Variants in ARFGEF3 observed in about 807,000 individuals in gnomAD.
ARFGEF3 encodes the protein ARFGEF family member 3.
A neutral mutation model predicts 221.7 loss-of-function variants in ARFGEF3; 96 were observed. The observed-to-expected ratio is 0.43, with a 90% CI of 0.37 to 0.51. The LOEUF (loss-of-function observed/expected upper bound fraction) is 0.51, where lower values mean the gene tolerates loss of function less well. Ranked by LOEUF, ARFGEF3 falls within the 20% of genes least tolerant of loss-of-function variation. The pLI, the probability that ARFGEF3 is intolerant of heterozygous loss-of-function variation, is 0.00. For synonymous variants in ARFGEF3, 1,145 were observed against 1,126.8 expected, an observed-to-expected ratio of 1.02 and a Z score of -0.32; for missense variants, 2,410 against 2,789.9, an observed-to-expected ratio of 0.86 and a Z score of 3.07.
intron 2 of ARFGEF3, among the ~76,000 whole-genome samples, chr6:138,188,182 A>C (rs1430200264): frequency 2.0e-5 from 3 of 152,100 alleles, no homozygotes; most frequent in African/African-American, 7.2e-5. Context: ...CAAGCTTACT[A>C]AGTCTCTATC....
intron 10 of ARFGEF3, among the ~76,000 whole-genome samples, chr6:138,258,098 T>C (rs2114582254): frequency 6.6e-6 from 1 of 152,344 alleles, no homozygotes; most frequent in East Asian, 1.9e-4. Context: ...CTAATGGCTC[T>C]TCATTGACTC....
chr6:138,215,792 A>G (rs1777831701), intron 4 of ARFGEF3, among the ~76,000 whole-genome samples: 1 of 151,748 alleles, frequency 6.6e-6, no homozygotes, highest in Admixed American at 6.6e-5. Context: ...AAATTCACAT[A>G]TGAAGAAGGA....
chr6:138,255,550 T>C lies in ARFGEF3; in HGVS notation c.885T>C (p.Ser295=). Residue 295 remains serine, a synonymous_variant, in exon 10 of 34, where the codon TCT becomes TCC. Transcript: ENST00000251691. The part of the protein sequence containing the change: ...TSTSLESDSA[S]PGVSDHGRGS... Reference sequence around the variant, plus strand: ...CCAGCCTGGAGTCGGACTCTGCGTCTCCGGGAGTGTCTGACCACGGCCGAG... The same window carrying C: ...CCAGCCTGGAGTCGGACTCTGCGTCCCCGGGAGTGTCTGACCACGGCCGAG... 6.2e-7 allele frequency: 1 copy of C among 1,614,042 alleles called. No individual in the cohort carries two copies. Among genetic ancestry groups the C allele is most frequent in the Non-Finnish European group, 8.5e-7 (1 of 1,179,904 alleles).
chr6:138,299,198 TAAAAAAAAAAA>T (rs60475752), intron 22 of ARFGEF3, among the ~76,000 whole-genome samples: 9 of 39,424 alleles, frequency 2.3e-4, no homozygotes, highest in East Asian at 1.2e-3. Context: ...CGAGACTCTG[TAAAAAAAAAAA>T]AAAAAAAAAA....
intron 2 of ARFGEF3, among the ~76,000 whole-genome samples, chr6:138,185,616 C>G (rs981373944): frequency 1.3e-5 from 2 of 152,160 alleles, no homozygotes; most frequent in East Asian, 3.8e-4. Context: ...TGGTTGGTAA[C>G]TTTGATAAAA....
In ARFGEF3 at chr6:138,334,605, T is replaced by C; in HGVS notation, c.5759T>C (p.Leu1920Ser). ...ELCNNYIQMH[L>S]DLENCMEEPP... Reference sequence around the variant, plus strand: ...TGCAACAACTACATCCAGATGCACTTGGACCTGGAGAACTGTATGGAGGAG... The same window carrying C: ...TGCAACAACTACATCCAGATGCACTCGGACCTGGAGAACTGTATGGAGGAG... The change falls in exon 33 of 34, where the codon TTG becomes TCG. Residue 1920 changes from leucine (L) to serine (S), a missense_variant. Transcript: ENST00000251691. This position sits in a 1 kb window ranked among gnomAD's most constrained non-coding sequence, Gnocchi z 5.1. The C allele has an allele frequency of 6.2e-7, 1 of 1,613,674 alleles. No individual in the cohort carries two copies. Among genetic ancestry groups the C allele is most frequent in the Non-Finnish European group, 8.5e-7 (1 of 1,179,864 alleles).
chr6:138,219,170 A>T lies in ARFGEF3; in HGVS notation c.351+9129A>T, dbSNP rs566413228. Among the ~76,000 whole-genome samples the T allele has an allele frequency of 1.5e-4, 23 of 152,350 alleles. No homozygotes were observed. In the East Asian group the frequency reaches 4.2e-3, roughly 28 times the overall value. On this transcript the variant is annotated intron_variant, in intron 4 of 33. Transcript: ENST00000251691. Reference sequence around the variant, plus strand: ...AGAAGCATGTTTAGCAGGGCAGAACATCCTTTTAAGGAGGGGATACTATTT... The same window carrying T: ...AGAAGCATGTTTAGCAGGGCAGAACTTCCTTTTAAGGAGGGGATACTATTT...
chr6:138,319,903 C>T, intron 28 of ARFGEF3, 24 bp downstream of exon 28: 1 of 1,607,106 alleles, frequency 6.2e-7, no homozygotes. Flanking sequence ...CAGAGCAGTT[C>T]ATTCTGGGTA....
intron 2 of ARFGEF3, among the ~76,000 whole-genome samples, chr6:138,199,730 C>T (rs1777498325): frequency 6.6e-6 from 1 of 152,180 alleles, no homozygotes; most frequent in Non-Finnish European, 1.5e-5. Context: ...AATCTTTTAT[C>T]CAGAAACTTT....
At chr6:138,235,163 A>G (rs1778262955) in intron 5 of ARFGEF3, among the ~76,000 whole-genome samples, 1 of 152,134 alleles carries the variant, frequency 6.6e-6, no homozygotes, top group African/African-American at 2.4e-5. Flanking sequence ...TATGGCCTGC[A>G]GACTTGTGTT....
chr6:138,272,999 A>G (rs983149546), intron 12 of ARFGEF3, among the ~76,000 whole-genome samples: 1 of 152,254 alleles, frequency 6.6e-6, no homozygotes, highest in African/African-American at 2.4e-5. Context: ...TCAAACCACA[A>G]TGTAACTATG....
chr6:138,255,346 T>G, intron 9 of ARFGEF3, 90 bp from the exon 10 acceptor site: 1 of 943,060 alleles, frequency 1.1e-6, no homozygotes, highest in Non-Finnish European at 1.6e-6. Context: ...AGCCGCACTC[T>G]TGTCATTTCT....
At chr6:138,295,990 G>A (rs1779504607) in intron 20 of ARFGEF3, among the ~76,000 whole-genome samples, 1 of 152,340 alleles carries the variant, frequency 6.6e-6, no homozygotes, top group South Asian at 2.1e-4. Flanking sequence ...AAGCAGAGGA[G>A]AGGCAATAGG....
intron 2 of ARFGEF3, among the ~76,000 whole-genome samples, chr6:138,171,446 T>C (rs1002641419): frequency 6.6e-6 from 1 of 152,190 alleles, no homozygotes; most frequent in Non-Finnish European, 1.5e-5. Context: ...TAAGCTCTGA[T>C]TGGCAACCCT....
chr6:138,238,384 A>G, intron 5 of ARFGEF3, 125 bp from the exon 6 acceptor site: 1 of 884,192 alleles, frequency 1.1e-6, no homozygotes, highest in South Asian at 2.3e-5. Context: ...AGTAATAACC[A>G]GTCCTAAATC....
At chr6:138,183,708 A>G (rs1164548867) in intron 2 of ARFGEF3, among the ~76,000 whole-genome samples, 1 of 152,234 alleles carries the variant, frequency 6.6e-6, no homozygotes, top group African/African-American at 2.4e-5. Context: ...CAAATAGATC[A>G]TCATAATACA....
intron 6 of ARFGEF3, among the ~76,000 whole-genome samples, chr6:138,239,689 C>T (rs959442320): frequency 6.7e-6 from 1 of 150,266 alleles, no homozygotes; most frequent in Non-Finnish European, 1.5e-5. Context: ...ATCTCAGTTA[C>T]AGTCCCAGAT....
chr6:138,329,771 A>T (rs1464277862), intron 32 of ARFGEF3, among the ~76,000 whole-genome samples: 3 of 152,144 alleles, frequency 2.0e-5, no homozygotes, highest in Admixed American at 2.0e-4. Context: ...GTGTCCCCCC[A>T]CATTGATGTG....
chr6:138,328,242 T>C, intron 32 of ARFGEF3, 100 bp downstream of exon 32: 1 of 1,341,532 alleles, frequency 7.5e-7, no homozygotes, highest in Non-Finnish European at 9.9e-7. Flanking sequence ...CCAGAAATAC[T>C]GAAAACATTT....
Sources: allele counts gnomAD v4.1 joint callset (sites outside exome capture counted in the v4.1 genomes callset), GRCh38; gene constraint gnomAD v4.1.1; non-coding constraint Gnocchi (gnomAD v3.1); transcripts MANE v1.5; gene names NCBI Gene and HGNC (gene_info 2026-07-23, HGNC 2026-07-21).